Variants in DMD observed in about 807,000 individuals in gnomAD.
DMD encodes dystrophin.
DMD carries 63 observed loss-of-function variants against 330.1 expected under a neutral mutation model. The observed-to-expected ratio is 0.19, with a 90% CI of 0.16 to 0.24. DMD has a LOEUF of 0.24. DMD is among the 10% of genes least tolerant of loss of function. The pLI, the probability that DMD is intolerant of heterozygous loss-of-function variation, is 1.00. For missense variants in DMD, 3,344 were observed against 2,684.1 expected (o/e 1.25, Z -5.43); for synonymous variants, 1,223 against 959.8 (o/e 1.27, Z -5.07).
chrX:33,298,016 C>T (rs2053608065), intron 1 of DMD, among the ~76,000 whole-genome samples: 1 of 110,876 alleles, frequency 9.0e-6, no homozygotes, highest in Admixed American at 9.6e-5. Context: ...ATCAAAATAC[C>T]GTGTTGTATA....
At chrX:32,562,235 T>C (rs1302967631) in intron 16 of DMD, among the ~76,000 whole-genome samples, 1 of 112,423 alleles carries the variant, frequency 8.9e-6, no homozygotes, top group Non-Finnish European at 1.9e-5. Context: ...AAGTATTTTC[T>C]ATCTTCTTAG....
At chrX:32,839,808 T>A (rs1443106716) in intron 4 of DMD, among the ~76,000 whole-genome samples, 2 of 110,939 alleles carry the variant, frequency 1.8e-5, no homozygotes, top group Admixed American at 1.9e-4. Flanking sequence ...GCTCCCAGGT[T>A]CACGTGATTC....
chrX:32,018,487 A>G (rs1486776674), intron 44 of DMD, among the ~76,000 whole-genome samples: 2 of 111,240 alleles, frequency 1.8e-5, no homozygotes, highest in Non-Finnish European at 3.8e-5. Context: ...GGGGATTTGT[A>G]TGTTTAAGCA....
intron 44 of DMD, among the ~76,000 whole-genome samples, chrX:32,012,583 C>G (rs144271628): frequency 1.4e-3 from 152 of 111,671 alleles, no homozygotes; most frequent in Non-Finnish European, 2.5e-3. Context: ...TTCTGAAATT[C>G]TTGGGTTTTC....
At chrX:31,678,388 C>T (rs1214541755) in intron 53 of DMD, among the ~76,000 whole-genome samples, 1 of 112,013 alleles carries the variant, frequency 8.9e-6, no homozygotes, top group Non-Finnish European at 1.9e-5. Context: ...GCTCAAAATA[C>T]CCTAAAGCTT....
At chrX:31,918,715 G>T (rs1332494403) in intron 47 of DMD, among the ~76,000 whole-genome samples, 1 of 109,050 alleles carries the variant, frequency 9.2e-6, no homozygotes, top group East Asian at 2.9e-4. Flanking sequence ...TCCTTTCACT[G>T]CAACCTCCGC....
At chrX:33,136,348 A>C (rs2095527904) in intron 1 of DMD, among the ~76,000 whole-genome samples, 1 of 103,012 alleles carries the variant, frequency 9.7e-6, no homozygotes, top group African/African-American at 3.6e-5. Context: ...TATTTACTGA[A>C]CATTACATTG....
chrX:31,511,336 A>ATTTATTTATTTAT (rs575874863), intron 55 of DMD, among the ~76,000 whole-genome samples: 5,556 of 95,526 alleles, frequency 0.058, 214 homozygotes, highest in Admixed American at 0.14. Flanking sequence ...TTATTTATTT[A>ATTTATTTATTTAT]TTATTATTAT....
chrX:31,865,163 C>G (rs2093776787), intron 48 of DMD, among the ~76,000 whole-genome samples: 1 of 111,908 alleles, frequency 8.9e-6, no homozygotes, highest in South Asian at 3.7e-4. Context: ...AAGCAGATGC[C>G]TAATTCCACT....
At chrX:31,961,694 T>G (rs1316410461) in intron 45 of DMD, among the ~76,000 whole-genome samples, 1 of 108,088 alleles carries the variant, frequency 9.3e-6, no homozygotes, top group African/African-American at 3.4e-5. Flanking sequence ...TGTGTAAGAT[T>G]TTGGGAAAAA....
intron 52 of DMD, among the ~76,000 whole-genome samples, chrX:31,694,085 G>A (rs1406673226): frequency 9.0e-6 from 1 of 110,759 alleles, no homozygotes; most frequent in Non-Finnish European, 1.9e-5. Context: ...AAGACAAAGA[G>A]GACTAAAATA....
chrX:32,042,006 TCTC>T (rs2096008119), intron 44 of DMD, among the ~76,000 whole-genome samples: 2 of 75,356 alleles, frequency 2.7e-5, no homozygotes, highest in Non-Finnish European at 5.1e-5. Context: ...CCTTCCTCCC[TCTC>T]TCTCTCTCTC....
intron 7 of DMD, among the ~76,000 whole-genome samples, chrX:32,789,157 G>A (rs2075634924): frequency 8.9e-6 from 1 of 112,001 alleles, no homozygotes. Flanking sequence ...CAGGAGATAA[G>A]GCAAGTTTCT....
intron 2 of DMD, among the ~76,000 whole-genome samples, chrX:32,894,247 C>T (rs1387842688): frequency 1.8e-5 from 2 of 112,082 alleles, no homozygotes; most frequent in Non-Finnish European, 3.8e-5. Context: ...CCCTATAACC[C>T]TCAATAGCGA....
At chrX:32,796,396 T>C (rs1402018389) in intron 7 of DMD, among the ~76,000 whole-genome samples, 19 of 111,502 alleles carry the variant, frequency 1.7e-4, no homozygotes. Context: ...TACTCATATA[T>C]AGGTGTAAAA....
chrX:32,442,147 G>A (rs772381044), intron 27 of DMD, among the ~76,000 whole-genome samples: 6 of 110,306 alleles, frequency 5.4e-5, no homozygotes, highest in African/African-American at 9.8e-5. Flanking sequence ...AAGACATCTC[G>A]TAAAAAACTG....
intron 43 of DMD, among the ~76,000 whole-genome samples, chrX:32,233,689 A>G (rs1383652966): frequency 9.4e-6 from 1 of 106,878 alleles, no homozygotes; most frequent in East Asian, 2.9e-4. Context: ...CTGGAGTGCA[A>G]TGGTGTGATC....
intron 7 of DMD, among the ~76,000 whole-genome samples, chrX:32,732,002 T>C (rs753859992): frequency 9.0e-6 from 1 of 111,220 alleles, no homozygotes; most frequent in African/African-American, 3.3e-5. Flanking sequence ...GCAAAGAAGT[T>C]GAAAACTTTG....
chrX:31,442,023 C>G (rs2064993012), intron 60 of DMD, among the ~76,000 whole-genome samples: 2 of 111,844 alleles, frequency 1.8e-5, no homozygotes, highest in Admixed American at 1.9e-4. Flanking sequence ...GAGCAGACAC[C>G]ACAAACTGAA....
Sources: allele counts gnomAD v4.1 joint callset (sites outside exome capture counted in the v4.1 genomes callset), GRCh38; gene constraint gnomAD v4.1.1; transcripts MANE v1.5; gene names NCBI Gene and HGNC (gene_info 2026-07-23, HGNC 2026-07-21).